The following CNTN2 variants were observed in gnomAD, a reference collection of about 807,000 sequenced individuals.
CNTN2 encodes the protein contactin-2.
A neutral mutation model predicts 117.5 loss-of-function variants in CNTN2; 53 were observed. The observed-to-expected ratio is 0.45, with a 90% confidence interval of 0.36 to 0.57. The LOEUF (loss-of-function observed/expected upper bound fraction) is 0.57, where lower values mean the gene tolerates loss of function less well. CNTN2 is among the 20% of genes least tolerant of loss of function. CNTN2 has a pLI of 0.00. For missense variants in CNTN2, 1,106 were observed against 1,404.3 expected, an observed-to-expected ratio of 0.79 and a Z score of 3.39; for synonymous variants, 530 against 561.7, an observed-to-expected ratio of 0.94 and a Z score of 0.80.
rs1190946823 is a variant in CNTN2, at chr1:205,074,634, C to G, written c.*869C>G. On this transcript the variant is annotated 3_prime_UTR_variant, in exon 23 of 23. Transcript: ENST00000331830. ...CCACCCCTCCAAGACCCATTCTGCA[C>G]AGTCCCTCCAGGGTTTGGGCAGGAG... 2 of 398,992 alleles carry G rather than the reference C, an allele frequency of 5.0e-6. No individual in the cohort carries two copies. Among genetic ancestry groups the G allele is most frequent in the Non-Finnish European group, 8.8e-6 (2 of 226,132 alleles). The allele number at this position is 398,992 out of a possible 1,614,324, so 24.7% of individuals were successfully genotyped here.
In CNTN2 at chr1:205,069,819, C is replaced by T; in HGVS notation, c.2197-8C>T. 6.2e-7 allele frequency: 1 copy of T among 1,610,498 alleles called. No individual in the cohort carries two copies. Among genetic ancestry groups the T allele is most frequent in the Non-Finnish European group, 8.5e-7 (1 of 1,177,176 alleles). Reference sequence around the variant, plus strand: ...GACCCTCGCCCATGCCATGCTCTTGCCCCTCAGCCCATGTCACGGGAGTAC... The same window carrying T: ...GACCCTCGCCCATGCCATGCTCTTGTCCCTCAGCCCATGTCACGGGAGTAC... On this transcript the variant is annotated splice_region_variant and splice_polypyrimidine_tract_variant and intron_variant, in intron 17 of 22. Coordinates refer to ENST00000331830, the MANE Select transcript of CNTN2 (RefSeq NM_005076.5).
chr1:205,074,322 C>T lies in CNTN2; in HGVS notation c.*557C>T. ...GTCCCCGATAACTCCCTAGGGGCTCCTGCCTGCCCAAGCGGCTGAGAACCA... is the reference window on the plus strand; with the variant it reads ...GTCCCCGATAACTCCCTAGGGGCTCTTGCCTGCCCAAGCGGCTGAGAACCA... On this transcript the variant is annotated 3_prime_UTR_variant, in exon 23 of 23. Transcript: ENST00000331830. The T allele has an allele frequency of 2.5e-6, 1 of 400,568 alleles. No homozygotes were observed. Among genetic ancestry groups the T allele is most frequent in the East Asian group, 3.6e-5 (1 of 28,096 alleles). 24.8% of individuals were successfully genotyped at this position (400,568 alleles called of 1,614,324 possible). A position where few individuals can be genotyped will look rare whatever the true frequency, so the allele number is the denominator to read the frequency against.
rs2096445242 is a variant in CNTN2 at position 205,048,298 on chromosome 1, T to C, written c.-86-4802T>C. On this transcript the variant is annotated intron_variant, in intron 1 of 22. Coordinates refer to ENST00000331830, the MANE Select transcript of CNTN2 (RefSeq NM_005076.5). This position sits in a 1 kb window ranked among gnomAD's most constrained non-coding sequence, Gnocchi z 4.1. ...ACCTTTTATTTTTTGACTGGCTCCA[T>C]GCGGGGGGCCTTATCCCAGAAAACC... Among the ~76,000 whole-genome samples, 1 of 152,138 alleles carries C rather than the reference T, an allele frequency of 6.6e-6. No homozygotes were observed. The highest frequency in any genetic ancestry group is 2.4e-5 in the African/African-American group (1 of 41,428).
In CNTN2 at chr1:205,061,975, C is replaced by T. The variant is rs748100278; in HGVS notation, c.1084C>T (p.Arg362Trp). 6 of 1,613,012 alleles carry T rather than the reference C, an allele frequency of 3.7e-6. No homozygotes were observed. Among genetic ancestry groups the T allele is most frequent in the African/African-American group, 1.3e-5 (1 of 74,934 alleles). ...GKPRPTVRWL[R>W]NGEPLASQNR... ...GCCCCGGCCTACAGTGCGCTGGCTGCGGAACGGGGAGCCTCTGGCCTCCCA... is the reference window on the plus strand; with the variant it reads ...GCCCCGGCCTACAGTGCGCTGGCTGTGGAACGGGGAGCCTCTGGCCTCCCA... Residue 362 changes from arginine (R) to tryptophan (W), a missense_variant, in exon 9 of 23, where the codon CGG becomes TGG. Arg to Trp is a moderately radical substitution (Grantham distance 101, BLOSUM62 -3). Coordinates refer to ENST00000331830, the MANE Select transcript of CNTN2 (RefSeq NM_005076.5). The surrounding 1 kb of genome is among the most constrained non-coding windows in gnomAD (Gnocchi z 4.8).
chr1:205,050,542 G>A (rs1400415946), intron 1 of CNTN2, among the ~76,000 whole-genome samples: 1 of 152,180 alleles, frequency 6.6e-6, no homozygotes, highest in Non-Finnish European at 1.5e-5. Context: ...TACATTACAT[G>A]AGATATTTAA....
rs4017875 is a variant in CNTN2 at position 205,048,910 on chromosome 1, C to CGTGTGT, written c.-86-4145_-86-4140dup. 3.0e-3 allele frequency among the ~76,000 whole-genome samples: 378 copies of CGTGTGT among 127,872 alleles called. 3 individuals are homozygous for CGTGTGT. The highest frequency in any genetic ancestry group is 5.7e-3 in the African/African-American group (191 of 33,740). 83.9% of individuals were successfully genotyped at this position (127,872 alleles called of 152,430 possible). ...GCTCCAGCCTTTAGCCCAGACTCTG[C>CGTGTGT]GTGTGTGTGTGTGTGTGTGTGTGTG... On this transcript the variant is annotated intron_variant, in intron 1 of 22. Transcript: ENST00000331830. The surrounding 1 kb of genome is among the most constrained non-coding windows in gnomAD (Gnocchi z 4.1).
Position 205,065,498 on chromosome 1 carries a change from C to T in CNTN2, c.1695+236C>T, listed in dbSNP as rs1211036316. On this transcript the variant is annotated intron_variant, in intron 13 of 22. Transcript: ENST00000331830. This position sits in a 1 kb window ranked among gnomAD's most constrained non-coding sequence, Gnocchi z 4.1. The stretch of plus-strand genomic sequence containing the variant: ...CAAACCTGGAGTTGTGGGCAGCCAC[C>T]AAGACACTCCCACTACTGTTCTTGT... Among the ~76,000 whole-genome samples the T allele has an allele frequency of 6.6e-6, 1 of 152,100 alleles. No individual in the cohort carries two copies. The highest frequency in any genetic ancestry group is 1.9e-4 in the East Asian group (1 of 5,180).
In CNTN2 at chr1:205,073,671, TGGA is replaced by T; in HGVS notation, c.3031_3033del (p.Glu1011del). On this transcript the variant is annotated inframe_deletion, in exon 23 of 23. Coordinates refer to ENST00000331830, the MANE Select transcript of CNTN2 (RefSeq NM_005076.5). This position sits in a 1 kb window ranked among gnomAD's most constrained non-coding sequence, Gnocchi z 6.3. ...CTGGTTTCAGGCACAAGCATGATGG[TGGA>T]GAACATGGCAGTCCGCCCAGCACCA... is the stretch of plus-strand genomic sequence containing the variant. 6.2e-7 allele frequency: 1 copy of T among 1,613,814 alleles called. No individual in the cohort carries two copies. The highest frequency in any genetic ancestry group is 8.5e-7 in the Non-Finnish European group (1 of 1,179,972).
chr1:205,066,452 C>T lies in CNTN2; in HGVS notation c.1828C>T (p.Pro610Ser). Residue 610 changes from proline to serine, a missense_variant, in exon 15 of 23, where the codon CCC becomes TCC. Pro to Ser is a moderately conservative substitution (Grantham distance 74). Transcript: ENST00000331830. Reference sequence around the variant, plus strand: ...ACCTCTTGGTGCAGGTCCGCCAGGTCCCCCAGGAGGTGTGGTGGTGAGGGA... The same window carrying T: ...ACCTCTTGGTGCAGGTCCGCCAGGTTCCCCAGGAGGTGTGGTGGTGAGGGA... Reference protein sequence around the residue: ...ATVLVRGPPGPPGGVVVRDIG... With the variant: ...ATVLVRGPPGSPGGVVVRDIG... The T allele has an allele frequency of 6.2e-7, 1 of 1,613,858 alleles. No individual in the cohort carries two copies. The highest frequency in any genetic ancestry group is 8.5e-7 in the Non-Finnish European group (1 of 1,179,954).
chr1:205,072,661 AAGC>A, intron 21 of CNTN2, 66 bp downstream of exon 21: 2 of 1,205,408 alleles, frequency 1.7e-6, no homozygotes, highest in Non-Finnish European at 2.4e-6. Context: ...CAGTGAACAT[AAGC>A]AGCAGCAATT....
intron 2 of CNTN2, among the ~76,000 whole-genome samples, chr1:205,054,685 T>A (rs753071590): frequency 5.3e-5 from 8 of 152,076 alleles, no homozygotes; most frequent in Non-Finnish European, 1.2e-4. Flanking sequence ...CTCCCAGAGC[T>A]CCAGAGAGAG....
chr1:205,044,463 G>T (rs576841333), intron 1 of CNTN2, among the ~76,000 whole-genome samples: 3 of 150,302 alleles, frequency 2.0e-5, no homozygotes, highest in Non-Finnish European at 4.4e-5. Context: ...TGTCCTGGGG[G>T]GGGGGGTCCA....
Position 205,061,173 on chromosome 1 carries a change from A to T in CNTN2, c.798-72A>T. 6.7e-7 allele frequency: 1 copy of T among 1,493,202 alleles called. No individual in the cohort carries two copies. The highest frequency in any genetic ancestry group is 9.1e-7 in the Non-Finnish European group (1 of 1,101,362). 92.5% of individuals were successfully genotyped at this position (1,493,202 alleles called of 1,614,324 possible). A position where few individuals can be genotyped will look rare whatever the true frequency, so the allele number is the denominator to read the frequency against. ...CTCAGGAGGGCCTGAGAGTCTGGGT[A>T]TGAGGAGCTGCGGGCACTGGAGGGG... On this transcript the variant is annotated intron_variant, in intron 7 of 22. Transcript: ENST00000331830. This position sits in a 1 kb window ranked among gnomAD's most constrained non-coding sequence, Gnocchi z 4.8.
chr1:205,074,993 C>A lies in CNTN2; in HGVS notation c.*1228C>A, dbSNP rs957410947. On this transcript the variant is annotated 3_prime_UTR_variant, in exon 23 of 23. Transcript: ENST00000331830. ...TACTACCAGTCACAGAACGTCAGAG[C>A]TGGAAGAAGCCTTAGAGCTCAACTT... 1 of 398,144 alleles carries A rather than the reference C, an allele frequency of 2.5e-6. No individual in the cohort carries two copies. Among genetic ancestry groups the A allele is most frequent in the South Asian group, 1.3e-4 (1 of 7,420 alleles). The allele number at this position is 398,144 out of a possible 1,614,324, so 24.7% of individuals were successfully genotyped here. A position where few individuals can be genotyped will look rare whatever the true frequency, so the allele number is the denominator to read the frequency against.
chr1:205,062,628 G>A, intron 10 of CNTN2, 59 bp downstream of exon 10: 1 of 1,560,436 alleles, frequency 6.4e-7, no homozygotes. Context: ...GGCTTTCAGA[G>A]CTCTGAGTTT....
At position 205,047,339 on chromosome 1, in the gene CNTN2, C is replaced by T. The variant is rs3753852; in HGVS notation, c.-87+3945C>T. On this transcript the variant is annotated intron_variant, in intron 1 of 22. Coordinates refer to ENST00000331830, the MANE Select transcript of CNTN2 (RefSeq NM_005076.5). ...CTGAGATCCTAGCAGCCCTCACCCACGCCACCACAGAGCCCTGTACTGACC... is the reference window on the plus strand; with the variant it reads ...CTGAGATCCTAGCAGCCCTCACCCATGCCACCACAGAGCCCTGTACTGACC... Among the ~76,000 whole-genome samples, 7 of 152,206 alleles carry T rather than the reference C, an allele frequency of 4.6e-5. No individual in the cohort carries two copies. The East Asian group carries it at 5.8e-4, about 13-fold the overall frequency.
In CNTN2 at chr1:205,066,626, T is replaced by C. The variant is rs1295908641; in HGVS notation, c.1975+27T>C. 2.5e-6 allele frequency: 4 copies of C among 1,611,520 alleles called. No homozygotes were observed. In the African/African-American group the frequency reaches 5.3e-5, roughly 22 times the overall value. On this transcript the variant is annotated intron_variant, in intron 15 of 22. Transcript: ENST00000331830. ...TAAGTGTGAGCCCCACCTGGGTCAG[T>C]GCTGATAAGGCTCGACTGGGTGTAG...
Position 205,058,130 on chromosome 1 carries a change from C to T in CNTN2, c.216-51C>T. ...CCGTTGAACTTTCCCTCTCATCAGCCCTGCCACCAGGCAGGACTCAGAGGT... is the reference window on the plus strand; with the variant it reads ...CCGTTGAACTTTCCCTCTCATCAGCTCTGCCACCAGGCAGGACTCAGAGGT... On this transcript the variant is annotated intron_variant, in intron 3 of 22. Coordinates refer to ENST00000331830, the MANE Select transcript of CNTN2 (RefSeq NM_005076.5). This position sits in a 1 kb window ranked among gnomAD's most constrained non-coding sequence, Gnocchi z 4.3. The T allele has an allele frequency of 6.2e-7, 1 of 1,600,142 alleles. No individual in the cohort carries two copies.
At chr1:205,047,356 G>A (rs1289204507) in intron 1 of CNTN2, among the ~76,000 whole-genome samples, 1 of 152,134 alleles carries the variant, frequency 6.6e-6, no homozygotes, top group Non-Finnish European at 1.5e-5. Flanking sequence ...ACAGAGCCCT[G>A]TACTGACCAG....
Sources: allele counts gnomAD v4.1 joint callset (sites outside exome capture counted in the v4.1 genomes callset), GRCh38; gene constraint gnomAD v4.1.1; non-coding constraint Gnocchi (gnomAD v3.1); transcripts MANE v1.5; gene names NCBI Gene and HGNC (gene_info 2026-07-23, HGNC 2026-07-21).